RBFOX1: variants seen among roughly 807,000 people sequenced by gnomAD.
The protein encoded by RBFOX1 is RNA binding fox-1 homolog 1.
In RBFOX1, 8 loss-of-function variants were observed where a neutral mutation model predicts 57.7. The ratio of observed to expected loss-of-function variants is 0.14; its 90% confidence interval spans 0.08 to 0.25. RBFOX1 has a LOEUF of 0.25. Among genes scored for constraint, RBFOX1 ranks in the 10% least tolerant of loss-of-function variants. The pLI is 1.00. For synonymous variants in RBFOX1, 326 were observed against 222.4 expected (o/e 1.47, Z -4.15); for missense variants, 611 against 548.5 (o/e 1.11, Z -1.14).
At position 6,607,058 on chromosome 16, in the gene RBFOX1, T is replaced by C. The variant is rs142839488; in HGVS notation, c.-63-47545T>C. On this transcript the variant is annotated intron_variant, in intron 2 of 15. Coordinates refer to ENST00000550418, the MANE Select transcript of RBFOX1 (RefSeq NM_018723.4). ...TTTTAATAATCGCCAAAAATGGCTA[T>C]ACATTTTTTAATATACCTGAGGCTG... 4.8e-3 allele frequency among the ~76,000 whole-genome samples: 725 copies of C among 152,308 alleles called. 10 individuals carry two copies. Among genetic ancestry groups the C allele is most frequent in the African/African-American group, 0.016 (671 of 41,562 alleles).
chr16:7,554,176 A>T (rs371753790), intron 5 of RBFOX1, among the ~76,000 whole-genome samples: 1 of 152,344 alleles, frequency 6.6e-6, no homozygotes, highest in East Asian at 1.9e-4. Context: ...TGATGGGAAA[A>T]CTAACAGTTT....
intron 4 of RBFOX1, among the ~76,000 whole-genome samples, chr16:7,364,862 C>G (rs1005196754): frequency 2.0e-5 from 3 of 152,144 alleles, no homozygotes; most frequent in African/African-American, 7.2e-5. Flanking sequence ...AAGGAAGAGA[C>G]AATTTCTGTA....
chr16:7,446,211 G>T (rs1365307832), intron 4 of RBFOX1, among the ~76,000 whole-genome samples: 1 of 152,182 alleles, frequency 6.6e-6, no homozygotes, highest in Non-Finnish European at 1.5e-5. Flanking sequence ...GGTTATTAAA[G>T]TTGGCTCTTG....
At chr16:5,749,361 G>A (rs1333701925) in intron 3 of RBFOX1, among the ~76,000 whole-genome samples, 1 of 152,020 alleles carries the variant, frequency 6.6e-6, no homozygotes, top group Admixed American at 6.6e-5. Context: ...TGCTCTTCTC[G>A]AGGAGTATCT....
Position 5,359,491 on chromosome 16 carries a change from T to C in RBFOX1, c.220-107725T>C, listed in dbSNP as rs904084850. On this transcript the variant is annotated intron_variant, in intron 1 of 2. Coordinates refer to the RBFOX1 transcript ENST00000585867. ...CCAGCATTTGTTCATGCCTGTCTTT[T>C]GGATAAAAGTGATTTTAACTGGGGT... Among the ~76,000 whole-genome samples the C allele has an allele frequency of 5.3e-5, 8 of 152,370 alleles. No individual in the cohort carries two copies. The East Asian group carries it at 1.5e-3, about 29-fold the overall frequency.
At chr16:6,639,026 G>T (rs562037708) in intron 2 of RBFOX1, among the ~76,000 whole-genome samples, 1 of 152,184 alleles carries the variant, frequency 6.6e-6, no homozygotes, top group Admixed American at 6.5e-5. Context: ...CAGTTTCCAA[G>T]GAGACCTGTG....
intron 4 of RBFOX1, among the ~76,000 whole-genome samples, chr16:7,450,304 GA>G (rs1415606118): frequency 7.2e-6 from 1 of 139,310 alleles, no homozygotes; most frequent in Non-Finnish European, 1.5e-5. Context: ...TGAGGCAGGA[GA>G]ATTGCCTGAA....
chr16:6,679,970 C>A (rs918965591), intron 3 of RBFOX1, among the ~76,000 whole-genome samples: 1 of 138,832 alleles, frequency 7.2e-6, no homozygotes, highest in Non-Finnish European at 1.5e-5. Context: ...TTTATATAAT[C>A]TGCCTGACAG....
intron 4 of RBFOX1, among the ~76,000 whole-genome samples, chr16:7,331,309 T>G (rs1027913321): frequency 1.3e-5 from 2 of 152,182 alleles, no homozygotes; most frequent in African/African-American, 4.8e-5. Context: ...GTGTCCTGTT[T>G]AGAGTGAGCA....
At chr16:7,632,092 A>G (rs780683617) in intron 11 of RBFOX1, among the ~76,000 whole-genome samples, 48 of 152,154 alleles carry the variant, frequency 3.2e-4, no homozygotes, top group Non-Finnish European at 5.3e-4. Context: ...TATTTTTAGC[A>G]GAGATGAGGT....
intron 1 of RBFOX1, among the ~76,000 whole-genome samples, chr16:6,193,847 C>G (rs1368761455): frequency 6.6e-6 from 1 of 152,058 alleles, no homozygotes; most frequent in East Asian, 1.9e-4. Flanking sequence ...TCCTGGTAAA[C>G]TTGCCGAGTC....
At chr16:6,026,272 G>T (rs374314492) in intron 1 of RBFOX1, among the ~76,000 whole-genome samples, 1 of 152,218 alleles carries the variant, frequency 6.6e-6, no homozygotes, top group Non-Finnish European at 1.5e-5. Context: ...AGCATCTAGC[G>T]TGGTGCAAGG....
chr16:6,768,895 A>G (rs1398515698), intron 3 of RBFOX1, among the ~76,000 whole-genome samples: 1 of 151,830 alleles, frequency 6.6e-6, no homozygotes, highest in Non-Finnish European at 1.5e-5. Context: ...TGCTCGGCTA[A>G]TTTTTGTATT....
At chr16:6,790,218 T>A (rs1603624146) in intron 3 of RBFOX1, among the ~76,000 whole-genome samples, 1 of 123,214 alleles carries the variant, frequency 8.1e-6, no homozygotes, top group South Asian at 2.8e-4. Context: ...AGACTCTCGC[T>A]CTGTCAGCCA....
intron 4 of RBFOX1, among the ~76,000 whole-genome samples, chr16:7,195,140 T>C (rs2086381473): frequency 6.6e-6 from 1 of 152,198 alleles, no homozygotes; most frequent in Admixed American, 6.5e-5. Flanking sequence ...CACCATGTTT[T>C]GTGCCTCATA....
At chr16:6,554,054 A>T (rs2097047619) in intron 2 of RBFOX1, among the ~76,000 whole-genome samples, 1 of 152,218 alleles carries the variant, frequency 6.6e-6, no homozygotes, top group Non-Finnish European at 1.5e-5. Context: ...GAATGAATGG[A>T]TAAATAAGTG....
At chr16:7,684,384 A>G (rs2075596397) in intron 14 of RBFOX1, among the ~76,000 whole-genome samples, 1 of 152,134 alleles carries the variant, frequency 6.6e-6, no homozygotes, top group South Asian at 2.1e-4. Context: ...TAGGGAGAAT[A>G]GAAGGAGTAA....
chr16:6,706,798 A>G (rs892108490), intron 3 of RBFOX1, among the ~76,000 whole-genome samples: 1 of 151,876 alleles, frequency 6.6e-6, no homozygotes, highest in Admixed American at 6.6e-5. Flanking sequence ...TAGGAATAAC[A>G]GAAAATTGTC....
chr16:6,381,467 C>T (rs2091807465), intron 2 of RBFOX1, among the ~76,000 whole-genome samples: 1 of 152,178 alleles, frequency 6.6e-6, no homozygotes, highest in African/African-American at 2.4e-5. Context: ...TGCAGGAAGT[C>T]AGCGAGGAGT....
Sources: allele counts gnomAD v4.1 joint callset (sites outside exome capture counted in the v4.1 genomes callset), GRCh38; gene constraint gnomAD v4.1.1; transcripts MANE v1.5; gene names NCBI Gene and HGNC (gene_info 2026-07-23, HGNC 2026-07-21).